SORT1: variants seen among roughly 807,000 people sequenced by gnomAD.
SORT1 encodes the protein sortilin.
A neutral mutation model predicts 101.7 loss-of-function variants in SORT1; 39 were observed. The observed-to-expected ratio is 0.38, with a 90% CI of 0.30 to 0.50. The LOEUF is 0.50. Among genes scored for constraint, SORT1 ranks in the 20% least tolerant of loss-of-function variants. The pLI is 0.90. For synonymous variants in SORT1, 396 were observed against 393.7 expected, an observed-to-expected ratio of 1.01 and a Z score of -0.07; for missense variants, 878 against 1,040.4, an observed-to-expected ratio of 0.84 and a Z score of 2.15.
rs559697009 is a variant in SORT1 at position 109,312,318 on chromosome 1, C to T, written c.*1725G>A. On this transcript the variant is annotated 3_prime_UTR_variant, in exon 20 of 20. Transcript: ENST00000256637. ...TGCACTCCAGCCCTAACCATATTAT[C>T]TTCACAAAAACTGCCTCAACTTTAT... The T allele has an allele frequency of 6.5e-6, 1 of 152,672 alleles. No homozygotes were observed. The highest frequency in any genetic ancestry group is 1.9e-4 in the East Asian group (1 of 5,184). 9.5% of individuals were successfully genotyped at this position (152,672 alleles called of 1,614,324 possible). A position where few individuals can be genotyped will look rare whatever the true frequency, so the allele number is the denominator to read the frequency against.
intron 10 of SORT1, among the ~76,000 whole-genome samples, chr1:109,338,534 G>A (rs1300467730): frequency 2.6e-5 from 4 of 152,138 alleles, no homozygotes; most frequent in Non-Finnish European, 5.9e-5. Flanking sequence ...GCTCTGTAGA[G>A]CCATTGAGTA....
chr1:109,323,008 C>A lies in SORT1; in HGVS notation c.1948G>T (p.Val650Leu). The change falls in exon 15 of 20, where the codon GTG becomes TTG. Residue 650 changes from valine to leucine, a missense_variant. By Grantham distance (32) the Val-to-Leu change is conservative. Transcript: ENST00000256637. Reference protein sequence around the residue: ...EQFLRLRKSSVCQNGRDYVVT... With the variant: ...EQFLRLRKSSLCQNGRDYVVT... The stretch of plus-strand genomic sequence containing the variant: ...ACATAGTCTCGACCATTCTGACACA[C>A]GGATGACTTGCGTAGCCGCAGAAAC... The A allele has an allele frequency of 6.2e-7, 1 of 1,614,184 alleles. No individual in the cohort carries two copies. The highest frequency in any genetic ancestry group is 2.2e-5 in the East Asian group (1 of 44,886).
chr1:109,353,343 A>C (rs575152062), intron 5 of SORT1, among the ~76,000 whole-genome samples: 2 of 151,110 alleles, frequency 1.3e-5, no homozygotes, highest in African/African-American at 2.4e-5. Flanking sequence ...AAAAAAAAAA[A>C]AAAAAAAACA....
At chr1:109,364,995 C>T (rs747101745) in intron 3 of SORT1, among the ~76,000 whole-genome samples, 1 of 152,156 alleles carries the variant, frequency 6.6e-6, no homozygotes, top group Non-Finnish European at 1.5e-5. Flanking sequence ...AGCCTACTTG[C>T]CAACAAAGCT....
At chr1:109,356,014 G>A (rs1482843883) in intron 3 of SORT1, among the ~76,000 whole-genome samples, 1 of 152,102 alleles carries the variant, frequency 6.6e-6, no homozygotes, top group Non-Finnish European at 1.5e-5. Context: ...TGGAATTACA[G>A]GTCCGTGTCA....
At chr1:109,379,487 G>A (rs1652085935) in intron 1 of SORT1, among the ~76,000 whole-genome samples, 1 of 152,180 alleles carries the variant, frequency 6.6e-6, no homozygotes, top group Non-Finnish European at 1.5e-5. Flanking sequence ...TCAGCTAAAC[G>A]TATGATCTAG....
Position 109,314,411 on chromosome 1 carries a change from C to T in SORT1, c.2358-27G>A, listed in dbSNP as rs369916382. 23 of 1,611,630 alleles carry T rather than the reference C, an allele frequency of 1.4e-5. No homozygotes were observed. In the African/African-American group the frequency reaches 2.1e-4, roughly 15 times the overall value. On this transcript the variant is annotated intron_variant, in intron 18 of 19. Transcript: ENST00000256637. ...TGTGAACAGAAACCTCCTTAACACT[C>T]GGTGGTACACAGCAGGGGTGCACTT...
At chr1:109,340,146 CAAAA>C (rs34790280) in intron 10 of SORT1, among the ~76,000 whole-genome samples, 2 of 96,290 alleles carry the variant, frequency 2.1e-5, no homozygotes, top group Non-Finnish European at 4.1e-5. Context: ...GATTCCATCT[CAAAA>C]AAAAAAAAAA....
intron 3 of SORT1, among the ~76,000 whole-genome samples, chr1:109,357,022 T>C (rs1366351486): frequency 6.6e-6 from 1 of 152,250 alleles, no homozygotes; most frequent in Admixed American, 6.5e-5. Context: ...TGAAGATGTT[T>C]TGGTTACCAA....
chr1:109,375,180 T>C (rs1208858536), intron 1 of SORT1, among the ~76,000 whole-genome samples: 1 of 152,182 alleles, frequency 6.6e-6, no homozygotes, highest in East Asian at 1.9e-4. Flanking sequence ...GATGGCTCTG[T>C]TCATTCTTTT....
At chr1:109,340,347 G>C (rs547492966) in intron 10 of SORT1, among the ~76,000 whole-genome samples, 3 of 152,210 alleles carry the variant, frequency 2.0e-5, no homozygotes, top group South Asian at 2.1e-4. Context: ...GAGCTACCTA[G>C]AATAGGCAAA....
At chr1:109,374,836 G>A (rs942746830) in intron 1 of SORT1, among the ~76,000 whole-genome samples, 12 of 152,190 alleles carry the variant, frequency 7.9e-5, no homozygotes, top group Non-Finnish European at 1.8e-4. Context: ...ACATACACCT[G>A]TAGTCCCAGC....
chr1:109,323,177 A>T, intron 14 of SORT1, 56 bp from the exon 15 acceptor site: 3 of 1,266,430 alleles, frequency 2.4e-6, no homozygotes, highest in Non-Finnish European at 3.4e-6. Context: ...CACCCACGGG[A>T]GGCAGCTGCC....
chr1:109,367,561 A>G, intron 2 of SORT1, 80 bp from the exon 3 acceptor site: 2 of 857,406 alleles, frequency 2.3e-6, no homozygotes, highest in Admixed American at 4.1e-5. Flanking sequence ...TTAAGCCAAC[A>G]CCTAAAAGAC....
intron 1 of SORT1, among the ~76,000 whole-genome samples, chr1:109,375,924 T>C (rs1651803511): frequency 6.6e-6 from 1 of 152,116 alleles, no homozygotes; most frequent in Admixed American, 6.5e-5. Flanking sequence ...AGAATGACTA[T>C]TACTAAAACA....
At position 109,314,683 on chromosome 1, in the gene SORT1, G is replaced by T; in HGVS notation, c.2346C>A (p.Val782=). 2 of 1,595,642 alleles carry T rather than the reference G, an allele frequency of 1.3e-6. No homozygotes were observed. The highest frequency in any genetic ancestry group is 2.2e-5 in the South Asian group (2 of 90,664). The change falls in exon 18 of 20, where the codon GTC becomes GTA. Residue 782 remains valine, a synonymous_variant. Coordinates refer to ENST00000256637, the MANE Select transcript of SORT1 (RefSeq NM_002959.7). ...VAGVLIVKKY[V]CGGRFLVHRY... ...TCTGTGTTCCTTACCTTCCCCCACAGACATATTTCTTCACAATGAGCACTC... is the reference window on the plus strand; with the variant it reads ...TCTGTGTTCCTTACCTTCCCCCACATACATATTTCTTCACAATGAGCACTC...
chr1:109,332,130 TAAATGTA>T (rs1420692477), intron 11 of SORT1, among the ~76,000 whole-genome samples: 4 of 152,172 alleles, frequency 2.6e-5, no homozygotes, highest in Admixed American at 6.5e-5. Context: ...ATCTACAGAT[TAAATGTA>T]ATGCCTATTA....
chr1:109,309,683 A>C lies in SORT1; in HGVS notation c.*4360T>G, dbSNP rs1175818325. On this transcript the variant is annotated 3_prime_UTR_variant, in exon 20 of 20. Coordinates refer to ENST00000256637, the MANE Select transcript of SORT1 (RefSeq NM_002959.7). Reference sequence around the variant, plus strand: ...TTCAGATTTATTTACACAATGCTAAAGAAATTTGAGTTTTATTTCCATTTT... The same window carrying C: ...TTCAGATTTATTTACACAATGCTAACGAAATTTGAGTTTTATTTCCATTTT... 6.6e-6 allele frequency: 1 copy of C among 152,218 alleles called. No homozygotes were observed. Among genetic ancestry groups the C allele is most frequent in the Non-Finnish European group, 1.5e-5 (1 of 68,036 alleles). 9.4% of individuals were successfully genotyped at this position (152,218 alleles called of 1,614,324 possible). A position where few individuals can be genotyped will look rare whatever the true frequency, so the allele number is the denominator to read the frequency against.
intron 15 of SORT1, among the ~76,000 whole-genome samples, chr1:109,321,787 T>C (rs1647646482): frequency 1.3e-5 from 2 of 152,204 alleles, no homozygotes; most frequent in African/African-American, 4.8e-5. Context: ...TTCCAAAAGA[T>C]TATCATCTGT....
Sources: allele counts gnomAD v4.1 joint callset (sites outside exome capture counted in the v4.1 genomes callset), GRCh38; gene constraint gnomAD v4.1.1; transcripts MANE v1.5; gene names NCBI Gene and HGNC (gene_info 2026-07-23, HGNC 2026-07-21).